Variants in ZNF600 observed in about 807,000 individuals in gnomAD.
The protein encoded by ZNF600 is zinc finger protein KR-ZNF1.
A neutral mutation model predicts 7.3 loss-of-function variants in ZNF600; 4 were observed. That is an observed-to-expected ratio of 0.55 (90% confidence interval 0.27 to 1.25). The LOEUF (loss-of-function observed/expected upper bound fraction) is 1.25, where lower values mean the gene tolerates loss of function less well. Among genes scored for constraint, ZNF600 ranks in the 50% most tolerant of loss-of-function variants. The pLI is 0.12. For missense variants in ZNF600, 911 were observed against 922.1 expected, an observed-to-expected ratio of 0.99 and a Z score of 0.16; for synonymous variants, 290 against 308.9, an observed-to-expected ratio of 0.94 and a Z score of 0.64.
At chr19:52,774,283 G>T (rs187280835) in intron 3 of ZNF600, among the ~76,000 whole-genome samples, 2 of 151,604 alleles carry the variant, frequency 1.3e-5, no homozygotes. Context: ...TACAAAATTA[G>T]CTGGGTGTGG....
the ZNF600 span, chr19:52,807,775 T>G: frequency 1.4e-6 from 1 of 733,150 alleles, no homozygotes; most frequent in Non-Finnish European, 2.1e-6. Context: ...ACGACCAGGC[T>G]GCCATAAAGT....
At chr19:52,814,137 C>T in the ZNF600 span, 1 of 146,634 alleles carries the variant, frequency 6.8e-6, no homozygotes, top group Non-Finnish European at 1.5e-5. Context: ...ACAGAACTGA[C>T]AGTAACGGCT....
At chr19:52,825,819 C>G in the ZNF600 span, among the ~76,000 whole-genome samples, 1 of 152,042 alleles carries the variant, frequency 6.6e-6, no homozygotes, top group Non-Finnish European at 1.5e-5. Flanking sequence ...AACTCCATCT[C>G]TATTAAAAAT....
the ZNF600 span, chr19:52,809,861 T>G: frequency 1.5e-6 from 1 of 649,800 alleles, no homozygotes; most frequent in East Asian, 2.8e-5. Flanking sequence ...GCAGTAGCAC[T>G]GGGCCTGCGG....
chr19:52,771,061 G>A (rs531274660), intron 3 of ZNF600, among the ~76,000 whole-genome samples: 3 of 152,142 alleles, frequency 2.0e-5, no homozygotes, highest in African/African-American at 2.4e-5. Flanking sequence ...TCAATCTCCC[G>A]ACCTCATGTG....
At chr19:52,800,392 G>C in the ZNF600 span, 4 of 1,613,972 alleles carry the variant, frequency 2.5e-6, no homozygotes, top group Non-Finnish European at 3.4e-6. Flanking sequence ...ATCCTCCTAT[G>C]TCTTTCAAGG....
At chr19:52,826,224 T>C in the ZNF600 span, among the ~76,000 whole-genome samples, 5 of 151,896 alleles carry the variant, frequency 3.3e-5, no homozygotes, top group Non-Finnish European at 7.4e-5. Context: ...GAACAAATTA[T>C]CCTCTACCAC....
exon 4 of ZNF600, chr19:52,767,337 C>T: frequency 6.2e-7 from 1 of 1,613,840 alleles, no homozygotes; most frequent in Admixed American, 1.7e-5. Context: ...GGAATTATTC[C>T]CATAGTTATT....
chr19:52,798,376 T>G, the ZNF600 span: 1 of 365,260 alleles, frequency 2.7e-6, no homozygotes, highest in Non-Finnish European at 5.4e-6. Flanking sequence ...CTCAGGTCAG[T>G]GCTCATTTAA....
the ZNF600 span, among the ~76,000 whole-genome samples, chr19:52,831,161 A>G: frequency 6.6e-6 from 1 of 152,196 alleles, no homozygotes; most frequent in African/African-American, 2.4e-5. Flanking sequence ...AAATGAGTAA[A>G]GTCTACGAGG....
intron 1 of ZNF600, among the ~76,000 whole-genome samples, chr19:52,786,365 G>A (rs2062763602): frequency 1.3e-5 from 2 of 152,092 alleles, no homozygotes; most frequent in South Asian, 4.1e-4. Context: ...GGGCCGGGGC[G>A]CCGCGCTCCA....
the ZNF600 span, among the ~76,000 whole-genome samples, chr19:52,804,791 C>G: frequency 6.6e-6 from 1 of 152,208 alleles, no homozygotes. Context: ...AAAAGTGAGA[C>G]ATCACAGCTG....
the ZNF600 span, among the ~76,000 whole-genome samples, chr19:52,803,524 G>A: frequency 1.3e-5 from 2 of 152,148 alleles, no homozygotes; most frequent in South Asian, 4.1e-4. Context: ...GATTTATACA[G>A]ACTGAAGAAT....
At chr19:52,783,607 C>G (rs528184865) in intron 1 of ZNF600, among the ~76,000 whole-genome samples, 1 of 152,138 alleles carries the variant, frequency 6.6e-6, no homozygotes, top group Non-Finnish European at 1.5e-5. Context: ...GTGATCCGCC[C>G]GCCTCGGCCT....
chr19:52,783,827 G>T (rs780413479), intron 1 of ZNF600, among the ~76,000 whole-genome samples: 1 of 151,868 alleles, frequency 6.6e-6, no homozygotes, highest in South Asian at 2.1e-4. Context: ...TTTCGCTCTT[G>T]TTGCCCACGC....
the ZNF600 span, among the ~76,000 whole-genome samples, chr19:52,812,273 G>A: frequency 1.9e-4 from 26 of 139,734 alleles, 2 homozygotes; most frequent in African/African-American, 4.7e-4. Context: ...TGTGCCCAGC[G>A]GCTCATTGAG....
exon 3 of ZNF600, chr19:52,774,639 G>T (rs891578630): frequency 1.5e-5 from 15 of 985,170 alleles, no homozygotes; most frequent in African/African-American, 1.7e-5. Flanking sequence ...TCTGCGAAGG[G>T]TTCAGGCATT....
At chr19:52,765,505 T>C (rs2062561519) in exon 4 of ZNF600, 6 of 1,601,256 alleles carry the variant, frequency 3.7e-6, no homozygotes, top group Non-Finnish European at 4.3e-6. Context: ...TTATTACACT[T>C]GTTAGATCTT....
At chr19:52,807,909 C>G in the ZNF600 span, 1 of 1,560,918 alleles carries the variant, frequency 6.4e-7, no homozygotes, top group South Asian at 1.1e-5. Context: ...AAAATCAATA[C>G]GGCTTCCATT....
Sources: allele counts gnomAD v4.1 joint callset (sites outside exome capture counted in the v4.1 genomes callset), GRCh38; gene constraint gnomAD v4.1.1; transcripts MANE v1.5; gene names NCBI Gene and HGNC (gene_info 2026-07-23, HGNC 2026-07-21).